OR52N2: variants seen among roughly 807,000 people sequenced by gnomAD.
OR52N2 encodes the protein olfactory receptor 52N2.
For synonymous variants in OR52N2, 129 were observed against 72.0 expected, an observed-to-expected ratio of 1.79 and a Z score of -4.01; for missense variants, 326 against 196.6, an observed-to-expected ratio of 1.66 and a Z score of -3.94.
At chr11:5,815,898 A>T (rs1276961690) in intron 1 of OR52N2, among the ~76,000 whole-genome samples, 2 of 149,356 alleles carry the variant, frequency 1.3e-5, no homozygotes, top group African/African-American at 4.9e-5. Flanking sequence ...GTGTATATAC[A>T]TGTGTGTATA....
At chr11:5,818,712 T>A (rs764231782) in intron 1 of OR52N2, among the ~76,000 whole-genome samples, 4 of 152,326 alleles carry the variant, frequency 2.6e-5, no homozygotes, top group Non-Finnish European at 5.9e-5. Flanking sequence ...TCTTTTTCTT[T>A]CTGGGTGGCT....
intron 1 of OR52N2, among the ~76,000 whole-genome samples, chr11:5,816,770 C>A (rs1179751246): frequency 6.6e-6 from 1 of 152,054 alleles, no homozygotes; most frequent in Admixed American, 6.5e-5. Context: ...AACTCTTGGG[C>A]CCCCCAAAGT....
rs770391950 is a variant in OR52N2 at position 5,821,265 on chromosome 11, A to G, written c.930A>G (p.Leu310=). ...TTCAGGAAGGTGTAATTAAATTTTT[A>G]CTTGGAGACAAGGTTAGTTTTACCT... is the stretch of plus-strand genomic sequence containing the variant. The part of the protein sequence containing the change: ...KQIQEGVIKF[L]LGDKVSFTYD... The change falls in exon 2 of 2, where the codon TTA becomes TTG. Residue 310 remains leucine, a synonymous_variant. Coordinates refer to ENST00000317037, the MANE Select transcript of OR52N2 (RefSeq NM_001005174.3). The G allele has an allele frequency of 1.3e-6, 1 of 780,402 alleles. No homozygotes were observed. Among genetic ancestry groups the G allele is most frequent in the African/African-American group, 1.7e-5 (1 of 59,134 alleles). The allele number at this position is 780,402 out of a possible 1,614,324, so 48.3% of individuals were successfully genotyped here.
chr11:5,821,157 C>T lies in OR52N2; in HGVS notation c.822C>T (p.His274=). The T allele has an allele frequency of 1.3e-6, 1 of 781,054 alleles. No homozygotes were observed. Among genetic ancestry groups the T allele is most frequent in the African/African-American group, 1.7e-5 (1 of 59,258 alleles). The allele number at this position is 781,054 out of a possible 1,614,324, so 48.4% of individuals were successfully genotyped here. A position where few individuals can be genotyped will look rare whatever the true frequency, so the allele number is the denominator to read the frequency against. Residue 274 remains histidine (H), a synonymous_variant, in exon 2 of 2, where the codon CAC becomes CAT. Transcript: ENST00000317037. ...HRFVGHNIPN[H]IHIIVANLYL... is the part of the protein sequence containing the mutation. The stretch of plus-strand genomic sequence containing the variant: ...TTGTAGGACACAATATCCCAAACCA[C>T]ATACACATCATCGTGGCCAACCTTT...
At chr11:5,816,812 G>A (rs1388018121) in intron 1 of OR52N2, among the ~76,000 whole-genome samples, 1 of 152,146 alleles carries the variant, frequency 6.6e-6, no homozygotes, top group Non-Finnish European at 1.5e-5. Context: ...CACTGCGCCT[G>A]ACCTCCTGAT....
Position 5,820,288 on chromosome 11 carries a change from A to C in OR52N2, c.-48A>C. On this transcript the variant is annotated 5_prime_UTR_variant, in exon 2 of 2. Coordinates refer to ENST00000317037, the MANE Select transcript of OR52N2 (RefSeq NM_001005174.3). ...CTCCCTCTCCCTCTCCTAGGCAGAAAGCAATGGCTGCTAAAGAGTATAAAA... is the reference window on the plus strand; with the variant it reads ...CTCCCTCTCCCTCTCCTAGGCAGAACGCAATGGCTGCTAAAGAGTATAAAA... 1 of 762,962 alleles carries C rather than the reference A, an allele frequency of 1.3e-6. No individual in the cohort carries two copies. Among genetic ancestry groups the C allele is most frequent in the Non-Finnish European group, 2.4e-6 (1 of 410,320 alleles). The allele number at this position is 762,962 out of a possible 1,614,324, so 47.3% of individuals were successfully genotyped here. A position where few individuals can be genotyped will look rare whatever the true frequency, so the allele number is the denominator to read the frequency against.
Position 5,820,392 on chromosome 11 carries a change from T to C in OR52N2, c.57T>C (p.Val19=), listed in dbSNP as rs1239800849. Residue 19 remains valine (V), a synonymous_variant, in exon 2 of 2, where the codon GTT becomes GTC. Transcript: ENST00000317037. ...CAGGATTCTTTATCTTGAATGGCGTTCCTGGGCTGGAAGCCACACACATCT... is the reference window on the plus strand; with the variant it reads ...CAGGATTCTTTATCTTGAATGGCGTCCCTGGGCTGGAAGCCACACACATCT... ...LTPGFFILNG[V]PGLEATHIWI... 1 of 780,890 alleles carries C rather than the reference T, an allele frequency of 1.3e-6. No individual in the cohort carries two copies. The highest frequency in any genetic ancestry group is 2.4e-6 in the Non-Finnish European group (1 of 418,080). 48.4% of individuals were successfully genotyped at this position (780,890 alleles called of 1,614,324 possible). A position where few individuals can be genotyped will look rare whatever the true frequency, so the allele number is the denominator to read the frequency against.
intron 1 of OR52N2, among the ~76,000 whole-genome samples, 126 bp downstream of exon 1, chr11:5,809,180 C>G (rs537700480): frequency 6.6e-6 from 1 of 152,268 alleles, no homozygotes; most frequent in Admixed American, 6.5e-5. Context: ...AACACTTAGG[C>G]AAAAGTTCTC....
chr11:5,821,313 G>T lies in OR52N2; in HGVS notation c.*12G>T. 1.3e-6 allele frequency: 1 copy of T among 755,288 alleles called. No individual in the cohort carries two copies. 46.8% of individuals were successfully genotyped at this position (755,288 alleles called of 1,614,324 possible). On this transcript the variant is annotated 3_prime_UTR_variant, in exon 2 of 2. Transcript: ENST00000317037. Reference sequence around the variant, plus strand: ...CCTATGACAAATGAAACATAGAATAGACATATTGTTTCAGGTGGTGAGAAA... The same window carrying T: ...CCTATGACAAATGAAACATAGAATATACATATTGTTTCAGGTGGTGAGAAA...
intron 1 of OR52N2, among the ~76,000 whole-genome samples, chr11:5,810,692 T>C (rs540462414): frequency 1.3e-5 from 2 of 152,216 alleles, no homozygotes; most frequent in African/African-American, 4.8e-5. Flanking sequence ...GAGGAATGAA[T>C]GTGCCACACA....
In OR52N2 at chr11:5,820,594, T is replaced by A. The variant is rs745780560; in HGVS notation, c.259T>A (p.Phe87Ile). 2.6e-6 allele frequency: 2 copies of A among 781,950 alleles called. No individual in the cohort carries two copies. The highest frequency in any genetic ancestry group is 4.8e-6 in the Non-Finnish European group (2 of 418,966). The allele number at this position is 781,950 out of a possible 1,614,324, so 48.4% of individuals were successfully genotyped here. A position where few individuals can be genotyped will look rare whatever the true frequency, so the allele number is the denominator to read the frequency against. Residue 87 changes from phenylalanine to isoleucine, a missense_variant, in exon 2 of 2, where the codon TTC becomes ATC. Physicochemically the swap from Phe to Ile is conservative, Grantham distance 21 (BLOSUM62 0). Coordinates refer to ENST00000317037, the MANE Select transcript of OR52N2 (RefSeq NM_001005174.3). ...TTMVPNMLCI[F>I]WFNLKEIDFN... is the part of the protein sequence containing the mutation. Reference sequence around the variant, plus strand: ...CATGGTACCTAATATGCTGTGCATATTCTGGTTCAACCTCAAGGAGATTGA... The same window carrying A: ...CATGGTACCTAATATGCTGTGCATAATCTGGTTCAACCTCAAGGAGATTGA...
At chr11:5,811,182 A>G (rs1302003282) in intron 1 of OR52N2, among the ~76,000 whole-genome samples, 1 of 152,080 alleles carries the variant, frequency 6.6e-6, no homozygotes, top group East Asian at 1.9e-4. Context: ...GACCTGCCTT[A>G]CAAGAAATGC....
At chr11:5,809,797 T>G (rs1364946295) in intron 1 of OR52N2, among the ~76,000 whole-genome samples, 1 of 152,228 alleles carries the variant, frequency 6.6e-6, no homozygotes, top group African/African-American at 2.4e-5. Context: ...TGGCACATTG[T>G]GTCTTTGTTC....
At chr11:5,811,533 G>A (rs950040550) in intron 1 of OR52N2, among the ~76,000 whole-genome samples, 4 of 152,058 alleles carry the variant, frequency 2.6e-5, no homozygotes, top group Admixed American at 2.6e-4. Flanking sequence ...TTTTATGTAA[G>A]ACTTGAGGTA....
chr11:5,818,360 C>T (rs1846420073), intron 1 of OR52N2, among the ~76,000 whole-genome samples: 1 of 152,148 alleles, frequency 6.6e-6, no homozygotes, highest in Non-Finnish European at 1.5e-5. Context: ...CCAAAGTTCA[C>T]TCTCTTTTAA....
intron 1 of OR52N2, 46 bp from the exon 2 acceptor site, chr11:5,820,236 C>G (rs571746767): frequency 2.2e-5 from 15 of 695,202 alleles, no homozygotes; most frequent in Non-Finnish European, 3.9e-5. Flanking sequence ...TTTGTCCAAA[C>G]CAGTACCTCT....
In OR52N2 at chr11:5,812,339, C is replaced by CA. The variant is rs1846368941; in HGVS notation, c.-55+3291dup. 2.9e-5 allele frequency among the ~76,000 whole-genome samples: 4 copies of CA among 135,916 alleles called. No homozygotes were observed. In the South Asian group the frequency reaches 8.9e-4, roughly 30 times the overall value. The allele number at this position is 135,916 out of a possible 152,430, so 89.2% of individuals were successfully genotyped here. ...GAAACCCTGTATCTACTAAAAAATA[C>CA]AAAAAATTAGCTGGGCATGGTGGCG... On this transcript the variant is annotated intron_variant, in intron 1 of 1. Coordinates refer to ENST00000317037, the MANE Select transcript of OR52N2 (RefSeq NM_001005174.3).
intron 1 of OR52N2, among the ~76,000 whole-genome samples, chr11:5,819,876 G>A (rs978695189): frequency 5.3e-5 from 8 of 152,086 alleles, no homozygotes; most frequent in Admixed American, 2.0e-4. Context: ...GTCATATTAG[G>A]GTGATGCTGT....
At chr11:5,810,021 A>T (rs1207224526) in intron 1 of OR52N2, among the ~76,000 whole-genome samples, 1 of 152,252 alleles carries the variant, frequency 6.6e-6, no homozygotes, top group Non-Finnish European at 1.5e-5. Flanking sequence ...TAAGGACTTC[A>T]TTTAGAACAA....
Sources: allele counts gnomAD v4.1 joint callset (sites outside exome capture counted in the v4.1 genomes callset), GRCh38; gene constraint gnomAD v4.1.1; transcripts MANE v1.5; gene names NCBI Gene and HGNC (gene_info 2026-07-23, HGNC 2026-07-21).